MAPK8: variants seen among roughly 807,000 people sequenced by gnomAD.
MAPK8 encodes the protein JUN N-terminal kinase.
Under a neutral mutation model 52.9 loss-of-function variants are expected in MAPK8, and 13 were observed. The ratio of observed to expected loss-of-function variants is 0.25; its 90% CI spans 0.16 to 0.39. The LOEUF (loss-of-function observed/expected upper bound fraction) is 0.39. MAPK8 is among the 10% of genes least tolerant of loss of function. The probability of loss-of-function intolerance (pLI) is 1.00; values close to 1 mark genes in which losing one functional copy is unlikely to be tolerated. For synonymous variants in MAPK8, 191 were observed against 169.8 expected (o/e 1.12, Z -0.97); for missense variants, 300 against 519.2 (o/e 0.58, Z 4.10).
intron 1 of MAPK8, among the ~76,000 whole-genome samples, chr10:48,354,729 A>G (rs970602546): frequency 2.0e-5 from 3 of 152,046 alleles, no homozygotes; most frequent in Non-Finnish European, 4.4e-5. Context: ...ACTGCTGAGA[A>G]TTTTAAGCAA....
chr10:48,323,653 T>C (rs1480360014), intron 1 of MAPK8, among the ~76,000 whole-genome samples: 7 of 152,236 alleles, frequency 4.6e-5, no homozygotes, highest in Non-Finnish European at 1.0e-4. Flanking sequence ...CCCATACTTC[T>C]TAAATTTCAA....
intron 1 of MAPK8, among the ~76,000 whole-genome samples, chr10:48,330,551 A>G (rs908294921): frequency 6.6e-6 from 1 of 152,184 alleles, no homozygotes; most frequent in Non-Finnish European, 1.5e-5. Flanking sequence ...AAACACATTC[A>G]CCCGTCCAAA....
intron 1 of MAPK8, among the ~76,000 whole-genome samples, chr10:48,349,986 C>T (rs1463876576): frequency 6.6e-6 from 1 of 152,186 alleles, no homozygotes; most frequent in Non-Finnish European, 1.5e-5. Flanking sequence ...ATACTATAAA[C>T]ACCTCTATGC....
rs1389474802 is a variant in MAPK8, at chr10:48,409,991, G to T, written c.312-39G>T. 2.5e-6 allele frequency: 4 copies of T among 1,607,882 alleles called. No homozygotes were observed. In the African/African-American group the frequency reaches 5.4e-5, roughly 22 times the overall value. On this transcript the variant is annotated intron_variant, in intron 4 of 11. Transcript: ENST00000374189. ...GTTAGTACATTTTTCTTAGATTGCT[G>T]CTGGACACTTTAGCTGTTCTCTTTT...
chr10:48,416,011 A>G (rs1167979405), intron 5 of MAPK8, among the ~76,000 whole-genome samples: 1 of 152,160 alleles, frequency 6.6e-6, no homozygotes, highest in Non-Finnish European at 1.5e-5. Context: ...GGGAAACTCT[A>G]GAGTGGGGAT....
chr10:48,327,077 A>G (rs1243397032), intron 1 of MAPK8, among the ~76,000 whole-genome samples: 4 of 151,872 alleles, frequency 2.6e-5, no homozygotes, highest in Non-Finnish European at 5.9e-5. Context: ...TTATTGTCTT[A>G]TTGCAGTATT....
rs566534402 is a variant in MAPK8 at position 48,386,609 on chromosome 10, G to C, written c.-49-15003G>C. Among the ~76,000 whole-genome samples the C allele has an allele frequency of 3.4e-4, 52 of 152,098 alleles. No individual in the cohort carries two copies. In the South Asian group the frequency reaches 0.011, roughly 31 times the overall value. ...GAATCTTGGATACCAGCTCACTGAA[G>C]TGTTATGGTAATATCATACCCATAT... On this transcript the variant is annotated intron_variant, in intron 1 of 11. Coordinates refer to ENST00000374189, the MANE Select transcript of MAPK8 (RefSeq NM_001323329.2).
At chr10:48,427,388 G>A in intron 10 of MAPK8, 1 of 389,054 alleles carries the variant, frequency 2.6e-6, no homozygotes, top group Non-Finnish European at 4.8e-6. Context: ...TCCATGGTTT[G>A]TGAATACACA....
chr10:48,328,851 T>C (rs1376097840), intron 1 of MAPK8, among the ~76,000 whole-genome samples: 1 of 152,262 alleles, frequency 6.6e-6, no homozygotes, highest in Non-Finnish European at 1.5e-5. Flanking sequence ...GTACTTTTGC[T>C]AAGAGATAGT....
chr10:48,386,904 A>G (rs923068763), intron 1 of MAPK8, among the ~76,000 whole-genome samples: 7 of 152,198 alleles, frequency 4.6e-5, no homozygotes, highest in African/African-American at 1.4e-4. Flanking sequence ...GAATGTCTGA[A>G]TGACTTGGAA....
rs2043658283 is a variant in MAPK8, at chr10:48,426,005, A to G, written c.806A>G (p.Tyr269Cys). The change falls in exon 8 of 12, where the codon TAT becomes TGT. Residue 269 changes from tyrosine to cysteine, a missense_variant. Physicochemically the swap from Tyr to Cys is radical, Grantham distance 194 (BLOSUM62 -2). Around this residue, in one of 3 missense-constraint regions of MAPK8, gnomAD observed 147 missense variants for 328.1 expected, o/e 0.45. Transcript: ENST00000374189. ...YVENRPKYAG[Y>C]SFEKLFPDVL... is the part of the protein sequence containing the mutation. ...GAAAACAGACCTAAATATGCTGGAT[A>G]TAGCTTTGAGAAACTCTTCCCTGAT... 1 of 1,613,206 alleles carries G rather than the reference A, an allele frequency of 6.2e-7. No individual in the cohort carries two copies. The highest frequency in any genetic ancestry group is 1.3e-5 in the African/African-American group (1 of 74,892).
intron 1 of MAPK8, chr10:48,308,425 A>G (rs1841614668): frequency 6.6e-6 from 1 of 152,266 alleles, no homozygotes; most frequent in Non-Finnish European, 1.5e-5. Flanking sequence ...AGATGGCTAA[A>G]TGGTCAGTTC....
intron 2 of MAPK8, among the ~76,000 whole-genome samples, chr10:48,403,124 A>G (rs915858634): frequency 2.0e-5 from 3 of 152,198 alleles, no homozygotes; most frequent in African/African-American, 7.2e-5. Context: ...AAATAGAGAA[A>G]AGAAAGGAGG....
At chr10:48,427,241 T>C (rs2043741197) in intron 10 of MAPK8, 98 bp downstream of exon 10, 1 of 754,136 alleles carries the variant, frequency 1.3e-6, no homozygotes, top group South Asian at 1.6e-5. Context: ...GACTTTAATA[T>C]GCATAACCGA....
chr10:48,387,939 C>T (rs2041410379), intron 1 of MAPK8, among the ~76,000 whole-genome samples: 1 of 152,092 alleles, frequency 6.6e-6, no homozygotes, highest in East Asian at 1.9e-4. Context: ...TCAGAATCAC[C>T]CTTGAAAGTT....
intron 1 of MAPK8, among the ~76,000 whole-genome samples, chr10:48,309,654 AG>A (rs1453810457): frequency 6.6e-6 from 1 of 152,236 alleles, no homozygotes; most frequent in Non-Finnish European, 1.5e-5. Flanking sequence ...TTAAATGACT[AG>A]TCCCCAACTA....
At chr10:48,333,679 A>G (rs932375046) in intron 1 of MAPK8, among the ~76,000 whole-genome samples, 1 of 152,220 alleles carries the variant, frequency 6.6e-6, no homozygotes, top group Admixed American at 6.5e-5. Flanking sequence ...GGAAAGAAGA[A>G]GGGGTGGGGA....
chr10:48,341,232 A>G (rs1681325241), intron 1 of MAPK8, among the ~76,000 whole-genome samples: 1 of 152,242 alleles, frequency 6.6e-6, no homozygotes, highest in Admixed American at 6.5e-5. Flanking sequence ...AGGAAAATCT[A>G]AACAGCTGTG....
In MAPK8 at chr10:48,434,921, A is replaced by T. The variant is rs1021383034; in HGVS notation, c.1176A>T (p.Ser392=). The T allele has an allele frequency of 6.2e-7, 1 of 1,613,546 alleles. No homozygotes were observed. The highest frequency in any genetic ancestry group is 8.5e-7 in the Non-Finnish European group (1 of 1,179,832). The change falls in exon 12 of 12, where the codon TCA becomes TCT. Residue 392 remains serine, a synonymous_variant. Transcript: ENST00000374189. ...AVINGSQHPS[S]SSSVNDVSSM... ...TCAATGGCTCTCAGCATCCATCATCATCGTCGTCTGTCAATGATGTGTCTT... is the reference window on the plus strand; with the variant it reads ...TCAATGGCTCTCAGCATCCATCATCTTCGTCGTCTGTCAATGATGTGTCTT...
Sources: gnomAD v4.1 joint callset for allele counts (sites outside exome capture counted in the v4.1 genomes callset) on GRCh38, gnomAD v4.1.1 for gene constraint, gnomAD v4.1.1 regional missense constraint, MANE v1.5 for transcripts, NCBI Gene and HGNC (gene_info 2026-07-23, HGNC 2026-07-21) for gene names.